Variants in AMN1 observed in about 807,000 individuals in gnomAD.
AMN1 encodes antagonist of mitotic exit network 1 homolog.
A neutral mutation model predicts 33.0 loss-of-function variants in AMN1; 20 were observed. The ratio of observed to expected loss-of-function variants is 0.61; its 90% confidence interval spans 0.43 to 0.88. The LOEUF is 0.88. Among genes scored for constraint, AMN1 ranks in the 40% least tolerant of loss-of-function variants. The pLI is 0.00. For synonymous variants in AMN1, 114 were observed against 111.9 expected (o/e 1.02, Z -0.12); for missense variants, 246 against 307.4 (o/e 0.80, Z 1.49).
At position 31,709,217 on chromosome 12, in the gene AMN1, C is replaced by A. The variant is rs1415820016; in HGVS notation, c.171+76G>T. On this transcript the variant is annotated intron_variant, in intron 2 of 6. Transcript: ENST00000281471. ...AATGATTACCAGTCTTACCATATACCATTGTTCCAAAAATCTAAAACCATA... is the reference window on the plus strand; with the variant it reads ...AATGATTACCAGTCTTACCATATACAATTGTTCCAAAAATCTAAAACCATA... 3.3e-6 allele frequency: 5 copies of A among 1,513,692 alleles called. No individual in the cohort carries two copies. In the South Asian group the frequency reaches 4.7e-5, roughly 14 times the overall value. The allele number at this position is 1,513,692 out of a possible 1,614,324, so 93.8% of individuals were successfully genotyped here. A position where few individuals can be genotyped will look rare whatever the true frequency, so the allele number is the denominator to read the frequency against.
Position 31,687,727 on chromosome 12 carries a change from GTAATAA to G in AMN1, c.703+1274_703+1279del, listed in dbSNP as rs2139670405. On this transcript the variant is annotated intron_variant, in intron 6 of 6. Transcript: ENST00000281471. This position sits in a 1 kb window ranked among gnomAD's most constrained non-coding sequence, Gnocchi z 4.1. Reference sequence around the variant, plus strand: ...AATAATTGGAATAATTATTTAGACTGTAATAAGAAAAATGAGCTGGAAGGACTGGGC... The same window carrying G: ...AATAATTGGAATAATTATTTAGACTGGAAAAATGAGCTGGAAGGACTGGGC... Among the ~76,000 whole-genome samples, 1 of 151,942 alleles carries G rather than the reference GTAATAA, an allele frequency of 6.6e-6. No homozygotes were observed. The highest frequency in any genetic ancestry group is 2.4e-5 in the African/African-American group (1 of 41,422).
chr12:31,685,510 C>T (rs1482924324), intron 6 of AMN1, among the ~76,000 whole-genome samples: 3 of 151,992 alleles, frequency 2.0e-5, no homozygotes, highest in Admixed American at 6.6e-5. Context: ...CACTATAGAA[C>T]GCTCAAACAG....
intron 5 of AMN1, among the ~76,000 whole-genome samples, chr12:31,695,609 C>T (rs1370922508): frequency 6.6e-6 from 1 of 151,528 alleles, no homozygotes; most frequent in East Asian, 1.9e-4. Context: ...TCTCAGGCTC[C>T]CAAGTAGCTG....
intron 1 of AMN1, among the ~76,000 whole-genome samples, chr12:31,722,994 TA>T (rs1383280043): frequency 1.3e-5 from 2 of 152,102 alleles, no homozygotes. Context: ...CTGTCTCTAC[TA>T]AAAATACAAA....
At chr12:31,696,107 C>T (rs1938712711) in intron 5 of AMN1, among the ~76,000 whole-genome samples, 1 of 151,798 alleles carries the variant, frequency 6.6e-6, no homozygotes. Context: ...TGTGGTGGCA[C>T]ATGCCTGCAG....
At position 31,677,325 on chromosome 12, in the gene AMN1, A is replaced by G. The variant is rs147109469; in HGVS notation, c.704-4948T>C. On this transcript the variant is annotated intron_variant, in intron 6 of 6. Transcript: ENST00000281471. ...AAAAAAAAGAAAAAGAAAAAGAATC[A>G]CATACTCTCCAGACTGAAAAAGGGC... 6.9e-3 allele frequency among the ~76,000 whole-genome samples: 1,053 copies of G among 152,156 alleles called. 16 individuals are homozygous for G. The highest frequency in any genetic ancestry group is 0.024 in the African/African-American group (1,002 of 41,528).
intron 6 of AMN1, among the ~76,000 whole-genome samples, chr12:31,677,906 C>G (rs937097281): frequency 5.3e-5 from 8 of 152,152 alleles, no homozygotes; most frequent in African/African-American, 1.9e-4. Flanking sequence ...TCTGATGTAC[C>G]CTTGTCAGAT....
rs1034428229 is a variant in AMN1 at position 31,683,062 on chromosome 12, A to G, written c.703+5945T>C. On this transcript the variant is annotated intron_variant, in intron 6 of 6. Coordinates refer to ENST00000281471, the MANE Select transcript of AMN1 (RefSeq NM_001113402.2). This position sits in a 1 kb window ranked among gnomAD's most constrained non-coding sequence, Gnocchi z 4.1. ...ATTGCAACCTCTGCCCCCCAGGCTC[A>G]AGTGATCCTCATGCGTCAGCCATCA... is the stretch of plus-strand genomic sequence containing the variant. 6.6e-6 allele frequency among the ~76,000 whole-genome samples: 1 copy of G among 150,976 alleles called. No individual in the cohort carries two copies. The highest frequency in any genetic ancestry group is 1.5e-5 in the Non-Finnish European group (1 of 67,932).
At chr12:31,689,224 T>A in intron 5 of AMN1, 106 bp from the exon 6 acceptor site, 1 of 754,438 alleles carries the variant, frequency 1.3e-6, no homozygotes, top group Non-Finnish European at 2.1e-6. Context: ...AGATATCTAC[T>A]TGCAAAAAAA....
intron 2 of AMN1, among the ~76,000 whole-genome samples, chr12:31,708,387 C>T (rs1256910121): frequency 6.6e-6 from 1 of 152,176 alleles, no homozygotes; most frequent in Non-Finnish European, 1.5e-5. Context: ...TACCCTCAGG[C>T]TTACTAGGAT....
chr12:31,706,647 G>A (rs146765156), intron 2 of AMN1, among the ~76,000 whole-genome samples: 46 of 152,336 alleles, frequency 3.0e-4, no homozygotes, highest in African/African-American at 1.1e-3. Flanking sequence ...GAGGCTGAAG[G>A]TTAAGCCCTA....
Position 31,678,600 on chromosome 12 carries a change from T to C in AMN1, c.704-6223A>G, listed in dbSNP as rs375193172. On this transcript the variant is annotated intron_variant, in intron 6 of 6. Coordinates refer to ENST00000281471, the MANE Select transcript of AMN1 (RefSeq NM_001113402.2). The stretch of plus-strand genomic sequence containing the variant: ...TTAGTAGAGATGGGGTTTCACCATA[T>C]TGGCCAGGCTGGTCTCGAACTCCTG... Among the ~76,000 whole-genome samples, 376 of 152,278 alleles carry C rather than the reference T, an allele frequency of 2.5e-3. 3 individuals carry two copies. The highest frequency in any genetic ancestry group is 4.6e-3 in the Non-Finnish European group (312 of 68,026).
chr12:31,693,099 C>T (rs1938573793), intron 5 of AMN1, among the ~76,000 whole-genome samples: 1 of 152,142 alleles, frequency 6.6e-6, no homozygotes, highest in South Asian at 2.1e-4. Context: ...GACACGGTCT[C>T]ACTCTGTTCC....
chr12:31,713,818 A>G (rs916405072), intron 1 of AMN1, among the ~76,000 whole-genome samples: 2 of 152,146 alleles, frequency 1.3e-5, no homozygotes, highest in African/African-American at 4.8e-5. Context: ...ACTGCACTCC[A>G]GCCTGGGTGA....
intron 1 of AMN1, among the ~76,000 whole-genome samples, chr12:31,721,152 G>A (rs1939865051): frequency 6.6e-6 from 1 of 152,238 alleles, no homozygotes; most frequent in African/African-American, 2.4e-5. Context: ...TCCTGCGACA[G>A]TCTGATTTGA....
upstream of AMN1, chr12:31,729,026 C>T: frequency 6.5e-7 from 1 of 1,539,612 alleles, no homozygotes; most frequent in Non-Finnish European, 8.8e-7. Context: ...GCGTCTGAAG[C>T]CTCTTCCGCG....
chr12:31,716,781 C>T (rs1316250951), intron 1 of AMN1, among the ~76,000 whole-genome samples: 1 of 152,124 alleles, frequency 6.6e-6, no homozygotes, highest in East Asian at 1.9e-4. Flanking sequence ...TCCCCCATTC[C>T]GTGGATTGCC....
Position 31,729,015 on chromosome 12 carries a change from AG to A in AMN1, c.-8del. On this transcript the variant is annotated 5_prime_UTR_variant, in exon 1 of 7. Transcript: ENST00000281471. ...CCCGCCGTGGGCGAGGCATCGCTGC[AG>A]CGTCTGAAGCCTCTTCCGCGGTCCC... The A allele has an allele frequency of 6.5e-7, 1 of 1,543,856 alleles. No homozygotes were observed. The highest frequency in any genetic ancestry group is 1.7e-4 in the Middle Eastern group (1 of 5,896).
At chr12:31,697,471 AT>A in intron 4 of AMN1, 54 bp from the exon 5 acceptor site, 4 of 1,540,310 alleles carry the variant, frequency 2.6e-6, no homozygotes, top group Non-Finnish European at 3.6e-6. Flanking sequence ...CGGAAGTAGA[AT>A]TTTCCAAAAT....
Sources: gnomAD v4.1 joint callset for allele counts (sites outside exome capture counted in the v4.1 genomes callset) on GRCh38, gnomAD v4.1.1 for gene constraint, Gnocchi (gnomAD v3.1) non-coding constraint, MANE v1.5 for transcripts, NCBI Gene and HGNC (gene_info 2026-07-23, HGNC 2026-07-21) for gene names.